Variants in CTCF observed in about 807,000 individuals in gnomAD.
The protein encoded by CTCF is transcriptional repressor CTCF.
Under a neutral mutation model 72.3 loss-of-function variants are expected in CTCF, and 7 were observed. That is an observed-to-expected ratio of 0.10 (90% CI 0.06 to 0.18). CTCF has a LOEUF of 0.18. CTCF is among the 10% of genes least tolerant of loss of function. CTCF has a pLI of 1.00. For synonymous variants in CTCF, 374 were observed against 315.8 expected, an observed-to-expected ratio of 1.18 and a Z score of -1.95; for missense variants, 516 against 949.1, an observed-to-expected ratio of 0.54 and a Z score of 6.00.
chr16:67,596,698 G>A (rs1219491424), intron 2 of CTCF, among the ~76,000 whole-genome samples: 2 of 151,636 alleles, frequency 1.3e-5, no homozygotes, highest in African/African-American at 4.8e-5. Context: ...AATTTCCCTG[G>A]CTTAGCCTCC....
At chr16:67,635,253 C>A (rs2052414415) in intron 10 of CTCF, among the ~76,000 whole-genome samples, 1 of 152,038 alleles carries the variant, frequency 6.6e-6, no homozygotes, top group Admixed American at 6.5e-5. Flanking sequence ...ATCTCCTGAC[C>A]TTGTGATCCA....
intron 8 of CTCF, chr16:67,627,331 A>G (rs1213776816): frequency 2.0e-5 from 3 of 152,140 alleles, no homozygotes; most frequent in Admixed American, 6.6e-5. Context: ...CGCCTCTACT[A>G]AAAATACAAA....
intron 2 of CTCF, among the ~76,000 whole-genome samples, chr16:67,579,342 A>C (rs1187508628): frequency 5.9e-5 from 9 of 151,990 alleles, no homozygotes; most frequent in Admixed American, 5.9e-4. Context: ...AGTTGTTTTC[A>C]ATCTTTGTTT....
Position 67,576,051 on chromosome 16 carries a change from C to T in CTCF, c.-10+4787C>T, listed in dbSNP as rs1597681159. On this transcript the variant is annotated intron_variant, in intron 2 of 11. Transcript: ENST00000264010. Reference sequence around the variant, plus strand: ...TGGTGCACACCTGTAGTCTCAGCTACTTGGGAGGCTGAGATGGGAGGATCA... The same window carrying T: ...TGGTGCACACCTGTAGTCTCAGCTATTTGGGAGGCTGAGATGGGAGGATCA... Among the ~76,000 whole-genome samples, 3 of 139,740 alleles carry T rather than the reference C, an allele frequency of 2.1e-5. No individual in the cohort carries two copies. The Admixed American group carries it at 2.2e-4, about 10-fold the overall frequency. The allele number at this position is 139,740 out of a possible 152,430, so 91.7% of individuals were successfully genotyped here.
intron 5 of CTCF, among the ~76,000 whole-genome samples, chr16:67,619,536 AAAAC>A (rs1436768964): frequency 1.3e-5 from 2 of 152,180 alleles, no homozygotes; most frequent in Non-Finnish European, 2.9e-5. Context: ...TAAATTTTTC[AAAAC>A]AAACATTGAA....
chr16:67,574,650 CTTTTTTTTTTTTTT>C (rs1162960134), intron 2 of CTCF, among the ~76,000 whole-genome samples: 1 of 96,966 alleles, frequency 1.0e-5, no homozygotes, highest in Non-Finnish European at 2.0e-5. Context: ...CCAAAAGCAT[CTTTTTTTTTTTTTT>C]TTTTTTTTTT....
intron 10 of CTCF, among the ~76,000 whole-genome samples, chr16:67,630,925 T>A (rs1368189328): frequency 6.6e-6 from 1 of 152,012 alleles, no homozygotes; most frequent in Non-Finnish European, 1.5e-5. Flanking sequence ...ACTAAAGACT[T>A]AAGGTATGGA....
chr16:67,617,970 G>A (rs2052154678), intron 5 of CTCF, among the ~76,000 whole-genome samples: 1 of 152,176 alleles, frequency 6.6e-6, no homozygotes, highest in East Asian at 1.9e-4. Context: ...TTATCATTGG[G>A]AAATTGCTGA....
intron 10 of CTCF, among the ~76,000 whole-genome samples, chr16:67,633,555 T>C (rs1220667519): frequency 1.3e-5 from 2 of 152,066 alleles, no homozygotes; most frequent in African/African-American, 2.4e-5. Context: ...AGAGAATCAA[T>C]AATAGTTTCA....
At chr16:67,565,881 T>C (rs942112218) in intron 1 of CTCF, among the ~76,000 whole-genome samples, 4 of 152,196 alleles carry the variant, frequency 2.6e-5, no homozygotes, top group African/African-American at 7.2e-5. Flanking sequence ...TGGAAGCCAC[T>C]TGTGGCTGAC....
At chr16:67,575,538 G>A (rs1002732239) in intron 2 of CTCF, among the ~76,000 whole-genome samples, 5 of 151,916 alleles carry the variant, frequency 3.3e-5, no homozygotes, top group African/African-American at 4.8e-5. Context: ...TCTGCTTCCC[G>A]GGTTCAACCG....
intron 2 of CTCF, among the ~76,000 whole-genome samples, chr16:67,578,001 T>A (rs1446937050): frequency 6.6e-6 from 1 of 152,150 alleles, no homozygotes; most frequent in Non-Finnish European, 1.5e-5. Flanking sequence ...ACCTAAAGAA[T>A]CCCTTAACTT....
chr16:67,576,154 A>AC (rs1343590768), intron 2 of CTCF, among the ~76,000 whole-genome samples: 2 of 151,480 alleles, frequency 1.3e-5, no homozygotes, highest in Non-Finnish European at 2.9e-5. Flanking sequence ...AAAAAAAAAA[A>AC]AAAAAAAACG....
chr16:67,621,721 AGT>A (rs1282613666), intron 7 of CTCF, 130 bp downstream of exon 7: 3 of 449,688 alleles, frequency 6.7e-6, no homozygotes, highest in Non-Finnish European at 1.2e-5. Context: ...CCTGTCACTT[AGT>A]TTAGTAAAAG....
chr16:67,583,941 A>G (rs2051624967), intron 2 of CTCF, among the ~76,000 whole-genome samples: 1 of 152,154 alleles, frequency 6.6e-6, no homozygotes, highest in Non-Finnish European at 1.5e-5. Flanking sequence ...ATTAGCGATT[A>G]GTGGTGTGCA....
intron 2 of CTCF, among the ~76,000 whole-genome samples, chr16:67,601,199 T>C (rs971544736): frequency 2.0e-5 from 3 of 149,664 alleles, no homozygotes; most frequent in Non-Finnish European, 4.4e-5. Context: ...ATCCACTGCT[T>C]GATGGAATGC....
At chr16:67,574,369 T>A (rs539281768) in intron 2 of CTCF, among the ~76,000 whole-genome samples, 19 of 152,230 alleles carry the variant, frequency 1.2e-4, no homozygotes, top group African/African-American at 4.6e-4. Flanking sequence ...TTTGAGACAA[T>A]CTCACTGTGT....
chr16:67,635,813 A>T (rs2052421271), intron 10 of CTCF, among the ~76,000 whole-genome samples: 1 of 151,796 alleles, frequency 6.6e-6, no homozygotes, highest in South Asian at 2.1e-4. Context: ...TCTTGTAGAG[A>T]TAAGGTCTCA....
intron 5 of CTCF, among the ~76,000 whole-genome samples, chr16:67,620,491 C>T (rs756840990): frequency 8.5e-5 from 13 of 152,154 alleles, no homozygotes; most frequent in Non-Finnish European, 1.6e-4. Context: ...TATCTATACC[C>T]GTATTCATTT....
Sources: allele counts gnomAD v4.1 joint callset (sites outside exome capture counted in the v4.1 genomes callset), GRCh38; gene constraint gnomAD v4.1.1; transcripts MANE v1.5; gene names NCBI Gene and HGNC (gene_info 2026-07-23, HGNC 2026-07-21).